The following RALGAPA1 variants were observed in gnomAD, a reference collection of about 807,000 sequenced individuals.
RALGAPA1 encodes the protein ral GTPase-activating protein subunit alpha-1.
Under a neutral mutation model 269.6 loss-of-function variants are expected in RALGAPA1, and 52 were observed. That is an observed-to-expected ratio of 0.19 (90% CI 0.15 to 0.24). The LOEUF (loss-of-function observed/expected upper bound fraction) is 0.24, where lower values mean the gene tolerates loss of function less well. Ranked by LOEUF, RALGAPA1 falls within the 10% of genes least tolerant of loss-of-function variation. The pLI is 1.00. For synonymous variants in RALGAPA1, 817 were observed against 1,008.3 expected (o/e 0.81, Z 3.60); for missense variants, 1,917 against 3,013.9 (o/e 0.64, Z 8.52).
intron 12 of RALGAPA1, among the ~76,000 whole-genome samples, chr14:35,734,782 A>G (rs917072112): frequency 2.6e-5 from 4 of 152,164 alleles, no homozygotes; most frequent in African/African-American, 9.7e-5. Flanking sequence ...AGTAGGGGAA[A>G]ATCTTCACAA....
chr14:35,592,028 G>A (rs1395556106), intron 37 of RALGAPA1, among the ~76,000 whole-genome samples: 1 of 152,176 alleles, frequency 6.6e-6, no homozygotes, highest in East Asian at 1.9e-4. Flanking sequence ...CTCCAGCCTT[G>A]TGGAACTGTG....
chr14:35,607,309 C>G (rs537408955), intron 35 of RALGAPA1, among the ~76,000 whole-genome samples: 248 of 152,292 alleles, frequency 1.6e-3, no homozygotes, highest in Middle Eastern at 0.01. Context: ...ACAGAGGTTC[C>G]CTCTCTCTCC....
At chr14:35,713,205 T>G (rs919277434) in intron 16 of RALGAPA1, among the ~76,000 whole-genome samples, 1 of 152,140 alleles carries the variant, frequency 6.6e-6, no homozygotes, top group Non-Finnish European at 1.5e-5. Flanking sequence ...GTAGATGTAG[T>G]GGTGTACTGG....
At chr14:35,804,296 C>T (rs1474138221) in intron 1 of RALGAPA1, among the ~76,000 whole-genome samples, 2 of 147,192 alleles carry the variant, frequency 1.4e-5, no homozygotes, top group South Asian at 2.2e-4. Context: ...AACGGCTGGG[C>T]GCGGTGGCTC....
chr14:35,670,794 C>T (rs1252534046), intron 26 of RALGAPA1, among the ~76,000 whole-genome samples: 2 of 151,956 alleles, frequency 1.3e-5, no homozygotes, highest in African/African-American at 4.8e-5. Flanking sequence ...GTGGTGGTGC[C>T]TGCCTGTAAT....
At chr14:35,762,250 T>G (rs139980902) in intron 5 of RALGAPA1, among the ~76,000 whole-genome samples, 14 of 152,070 alleles carry the variant, frequency 9.2e-5, no homozygotes, top group South Asian at 4.1e-4. Context: ...GCTACGTTTT[T>G]TTTTTGTTTT....
chr14:35,617,463 C>T (rs925731246), intron 35 of RALGAPA1, among the ~76,000 whole-genome samples: 3 of 151,860 alleles, frequency 2.0e-5, no homozygotes, highest in African/African-American at 7.3e-5. Context: ...ACTAAAAATA[C>T]AAAAATTAGC....
chr14:35,542,054 A>G (rs1566635280), intron 41 of RALGAPA1: 1 of 1,205,262 alleles, frequency 8.3e-7, no homozygotes, highest in Non-Finnish European at 1.1e-6. Context: ...TCAAATAGGA[A>G]AAAAGAAAAG....
chr14:35,793,336 C>G (rs2076329911), intron 1 of RALGAPA1, among the ~76,000 whole-genome samples: 1 of 151,526 alleles, frequency 6.6e-6, no homozygotes, highest in Non-Finnish European at 1.5e-5. Context: ...CTCCCAGGTT[C>G]AAGCAATTCT....
At chr14:35,621,779 G>C (rs2139502781) in intron 35 of RALGAPA1, among the ~76,000 whole-genome samples, 1 of 152,268 alleles carries the variant, frequency 6.6e-6, no homozygotes, top group South Asian at 2.1e-4. Context: ...ATCATCACTG[G>C]TCATTAGAGA....
chr14:35,743,837 T>C (rs2071793750), intron 10 of RALGAPA1, among the ~76,000 whole-genome samples: 1 of 152,124 alleles, frequency 6.6e-6, no homozygotes, highest in African/African-American at 2.4e-5. Context: ...AGTTTAACAA[T>C]AAGGCAAAAT....
intron 31 of RALGAPA1, 102 bp downstream of exon 31, chr14:35,651,703 G>T: frequency 1.9e-6 from 2 of 1,032,712 alleles, no homozygotes; most frequent in East Asian, 2.8e-5. Flanking sequence ...TTCTGAACAA[G>T]GATAAATTTT....
chr14:35,802,508 A>G (rs961714257), intron 1 of RALGAPA1, among the ~76,000 whole-genome samples: 2 of 152,192 alleles, frequency 1.3e-5, no homozygotes, highest in South Asian at 2.1e-4. Flanking sequence ...ACTGAACTAC[A>G]AAACACTGCT....
At chr14:35,732,576 C>A (rs1229151113) in intron 12 of RALGAPA1, among the ~76,000 whole-genome samples, 1 of 152,158 alleles carries the variant, frequency 6.6e-6, no homozygotes, top group Non-Finnish European at 1.5e-5. Context: ...TGCAAATGGA[C>A]ACCAAAAGCG....
intron 27 of RALGAPA1, among the ~76,000 whole-genome samples, chr14:35,664,418 T>C (rs2063773962): frequency 1.3e-5 from 2 of 152,144 alleles, no homozygotes; most frequent in Admixed American, 6.5e-5. Context: ...CAGGTAGACA[T>C]GTGAGTAGGT....
intron 36 of RALGAPA1, among the ~76,000 whole-genome samples, chr14:35,599,082 A>AAGT (rs1335094298): frequency 6.6e-6 from 1 of 152,204 alleles, no homozygotes; most frequent in East Asian, 1.9e-4. Context: ...AGTTTAAGTA[A>AAGT]AGTAACCCTA....
At chr14:35,665,844 A>C (rs963740209) in intron 26 of RALGAPA1, among the ~76,000 whole-genome samples, 37 of 152,336 alleles carry the variant, frequency 2.4e-4, no homozygotes, top group African/African-American at 8.4e-4. Flanking sequence ...GTATGTGCAC[A>C]TAATGGGAGC....
chr14:35,747,480 G>T (rs2072226131), intron 10 of RALGAPA1, among the ~76,000 whole-genome samples: 1 of 152,124 alleles, frequency 6.6e-6, no homozygotes, highest in African/African-American at 2.4e-5. Context: ...TGCCAACACT[G>T]GACAAAAATG....
chr14:35,598,943 T>C (rs896720134), intron 36 of RALGAPA1, among the ~76,000 whole-genome samples: 2 of 152,240 alleles, frequency 1.3e-5, no homozygotes, highest in Non-Finnish European at 2.9e-5. Flanking sequence ...ACTTGAACAT[T>C]TTCTAGAACT....
Sources: gnomAD v4.1 joint callset for allele counts (sites outside exome capture counted in the v4.1 genomes callset) on GRCh38, gnomAD v4.1.1 for gene constraint, MANE v1.5 for transcripts, NCBI Gene and HGNC (gene_info 2026-07-23, HGNC 2026-07-21) for gene names.